LRRFIP1: variants seen among roughly 807,000 people sequenced by gnomAD.
LRRFIP1 encodes LRR binding FLII interacting protein 1.
A neutral mutation model predicts 104.4 loss-of-function variants in LRRFIP1; 62 were observed. The observed-to-expected ratio is 0.59, with a 90% CI of 0.48 to 0.73. The LOEUF is 0.73. Ranked by LOEUF, LRRFIP1 falls within the 30% of genes least tolerant of loss-of-function variation. The pLI is 0.00. For synonymous variants in LRRFIP1, 300 were observed against 299.0 expected (o/e 1.00, Z -0.03); for missense variants, 796 against 824.5 (o/e 0.97, Z 0.42).
chr2:237,748,526 AC>A (rs1404146669), intron 12 of LRRFIP1, 127 bp downstream of exon 12: 17 of 842,478 alleles, frequency 2.0e-5, no homozygotes, highest in Non-Finnish European at 3.0e-5. Flanking sequence ...AAAGCGGCCC[AC>A]CTAACCTGGT....
At chr2:237,648,242 G>A (rs778147716) in intron 1 of LRRFIP1, among the ~76,000 whole-genome samples, 4 of 151,852 alleles carry the variant, frequency 2.6e-5, no homozygotes, top group Admixed American at 6.6e-5. Flanking sequence ...CTCAGCACCC[G>A]TGTTCTAAGG....
intron 7 of LRRFIP1, 141 bp downstream of exon 7, chr2:237,723,727 A>G: frequency 1.9e-6 from 2 of 1,035,384 alleles, no homozygotes; most frequent in Non-Finnish European, 3.0e-6. Context: ...GGGCAGGCTT[A>G]CCCTGCAGAG....
At chr2:237,749,641 T>C (rs139052593) in intron 13 of LRRFIP1, among the ~76,000 whole-genome samples, 2,387 of 152,256 alleles carry the variant, frequency 0.016, 66 homozygotes, top group African/African-American at 0.053. Flanking sequence ...CGTCTCTGTA[T>C]GCTTGGTCTG....
intron 22 of LRRFIP1, 192 bp from the exon 23 acceptor site, chr2:237,774,166 G>C: frequency 1.8e-6 from 1 of 566,740 alleles, no homozygotes; most frequent in Non-Finnish European, 3.2e-6. Context: ...GTCAGCACAG[G>C]GTCGCCCAGA....
intron 11 of LRRFIP1, among the ~76,000 whole-genome samples, chr2:237,745,319 T>C (rs2057690967): frequency 6.6e-6 from 1 of 152,206 alleles, no homozygotes; most frequent in African/African-American, 2.4e-5. Context: ...CTCTACTATG[T>C]AAAATAGAGA....
At chr2:237,673,980 G>A (rs2090757046) in intron 1 of LRRFIP1, among the ~76,000 whole-genome samples, 1 of 152,146 alleles carries the variant, frequency 6.6e-6, no homozygotes, top group Admixed American at 6.5e-5. Context: ...CCCCTATGAA[G>A]TTGTCACTAT....
chr2:237,719,096 C>T (rs2094448386), intron 4 of LRRFIP1, among the ~76,000 whole-genome samples: 1 of 152,148 alleles, frequency 6.6e-6, no homozygotes, highest in Non-Finnish European at 1.5e-5. Flanking sequence ...CCGTGTGTGT[C>T]TTAGAATCCA....
intron 1 of LRRFIP1, among the ~76,000 whole-genome samples, chr2:237,706,865 A>C (rs2093837114): frequency 6.6e-6 from 1 of 152,172 alleles, no homozygotes; most frequent in African/African-American, 2.4e-5. Context: ...TGACCTCAAG[A>C]GATCCTACCT....
intron 13 of LRRFIP1, among the ~76,000 whole-genome samples, chr2:237,749,707 A>C (rs146445654): frequency 1.2e-4 from 18 of 152,206 alleles, no homozygotes; most frequent in African/African-American, 4.3e-4. Context: ...ACTTTCACAC[A>C]ACCCCTCCCC....
intron 11 of LRRFIP1, among the ~76,000 whole-genome samples, chr2:237,745,995 C>T (rs955816169): frequency 8.6e-5 from 13 of 151,936 alleles, no homozygotes; most frequent in East Asian, 1.9e-4. Context: ...TTCTCCAGCA[C>T]GCTAAGTGCT....
At chr2:237,779,221 A>G (rs2061348689) in intron 23 of LRRFIP1, 1 of 488,556 alleles carries the variant, frequency 2.0e-6, no homozygotes, top group Non-Finnish European at 2.7e-6. Flanking sequence ...CTCAAGAAAA[A>G]AAAAAGAAAA....
chr2:237,650,521 G>A (rs1441292701), intron 1 of LRRFIP1, among the ~76,000 whole-genome samples: 1 of 148,660 alleles, frequency 6.7e-6, no homozygotes, highest in Admixed American at 6.6e-5. Context: ...GGCAGGTTAC[G>A]CACTGCAGAA....
intron 8 of LRRFIP1, among the ~76,000 whole-genome samples, chr2:237,731,285 T>C (rs1022998821): frequency 6.6e-6 from 1 of 152,192 alleles, no homozygotes; most frequent in Admixed American, 6.5e-5. Context: ...CCTATTCTCG[T>C]TTCCCTCCCG....
intron 5 of LRRFIP1, among the ~76,000 whole-genome samples, chr2:237,720,070 C>CGTGTCT: frequency 6.6e-6 from 1 of 151,594 alleles, no homozygotes; most frequent in Non-Finnish European, 1.5e-5. Context: ...TCTCAGCCTC[C>CGTGTCT]CAAGTAGCTG....
intron 19 of LRRFIP1, chr2:237,764,044 A>C: frequency 1.2e-6 from 2 of 1,614,264 alleles, no homozygotes; most frequent in Non-Finnish European, 1.7e-6. Context: ...TGTCGGCACC[A>C]GGAAGAGAGC....
chr2:237,676,592 G>A (rs1364941345), intron 1 of LRRFIP1, among the ~76,000 whole-genome samples: 2 of 152,102 alleles, frequency 1.3e-5, no homozygotes, highest in African/African-American at 2.4e-5. Context: ...TGCAACCTCC[G>A]CCTCTCCGGT....
At chr2:237,751,158 T>G in intron 13 of LRRFIP1, 42 bp from the exon 14 acceptor site, 1 of 1,405,032 alleles carries the variant, frequency 7.1e-7, no homozygotes. Flanking sequence ...GAATCACCTG[T>G]TTTCCCTTGA....
Position 237,753,808 on chromosome 2 carries a change from AAG to A in LRRFIP1, c.1038+330_1038+331del, listed in dbSNP as rs1449761790. Among the ~76,000 whole-genome samples, 1,258 of 136,616 alleles carry A rather than the reference AAG, an allele frequency of 9.2e-3. 17 individuals carry two copies. The highest frequency in any genetic ancestry group is 0.035 in the African/African-American group (1,191 of 34,252). The allele number at this position is 136,616 out of a possible 152,430, so 89.6% of individuals were successfully genotyped here. A position where few individuals can be genotyped will look rare whatever the true frequency, so the allele number is the denominator to read the frequency against. On this transcript the variant is annotated intron_variant, in intron 15 of 23. Coordinates refer to ENST00000308482, the MANE Select transcript of LRRFIP1 (RefSeq NM_001137550.2). ...ACTGTCTCAAAAAAAAAAAAAAAAA[AAG>A]GGAATGGTAGGGTGTGTGTGTGTGT...
At chr2:237,765,500 A>G (rs1225994053) in intron 19 of LRRFIP1, 7 of 969,928 alleles carry the variant, frequency 7.2e-6, no homozygotes, top group East Asian at 1.1e-4. Context: ...ATTTCTAATC[A>G]TCATTCAAAA....
Sources: allele counts gnomAD v4.1 joint callset (sites outside exome capture counted in the v4.1 genomes callset), GRCh38; gene constraint gnomAD v4.1.1; transcripts MANE v1.5; gene names NCBI Gene and HGNC (gene_info 2026-07-23, HGNC 2026-07-21).